Variants in IL31RA observed in about 807,000 individuals in gnomAD.
The protein encoded by IL31RA is interleukin 31 receptor A.
IL31RA carries 66 observed loss-of-function variants against 83.7 expected under a neutral mutation model. The observed-to-expected ratio is 0.79, with a 90% confidence interval of 0.65 to 0.97. The LOEUF is 0.97. IL31RA is among the 50% of genes least tolerant of loss of function. The pLI is 0.00. For missense variants in IL31RA, 798 were observed against 919.4 expected (o/e 0.87, Z 1.71); for synonymous variants, 325 against 329.0 (o/e 0.99, Z 0.13).
rs115991145 is a variant in IL31RA, at chr5:55,872,820, T to C, written c.454+369T>C. ...CGAAAAGAGCATAAAATTATTATTTTTTAAAATGCCTCACCACTTCTGACT... is the reference window on the plus strand; with the variant it reads ...CGAAAAGAGCATAAAATTATTATTTCTTAAAATGCCTCACCACTTCTGACT... On this transcript the variant is annotated intron_variant, in intron 4 of 14. Coordinates refer to ENST00000652347, the MANE Select transcript of IL31RA (RefSeq NM_139017.7). Among the ~76,000 whole-genome samples, 1,022 of 144,570 alleles carry C rather than the reference T, an allele frequency of 7.1e-3. 18 individuals carry two copies. The highest frequency in any genetic ancestry group is 0.027 in the African/African-American group (1,001 of 37,376). 94.8% of individuals were successfully genotyped at this position (144,570 alleles called of 152,430 possible). A position where few individuals can be genotyped will look rare whatever the true frequency, so the allele number is the denominator to read the frequency against.
intron 5 of IL31RA, among the ~76,000 whole-genome samples, chr5:55,883,967 T>G (rs1171671881): frequency 1.3e-5 from 2 of 152,248 alleles, no homozygotes; most frequent in Admixed American, 6.5e-5. Flanking sequence ...TTCATTGCTG[T>G]GTAGTATCTC....
chr5:55,901,807 G>A (rs1478238486), intron 8 of IL31RA, among the ~76,000 whole-genome samples: 3 of 151,666 alleles, frequency 2.0e-5, no homozygotes, highest in African/African-American at 7.3e-5. Flanking sequence ...TAGCGACGGG[G>A]TTTCTCCATG....
rs1217106954 is a variant in IL31RA at position 55,920,962 on chromosome 5, A to G, written c.*3842A>G. Among the ~76,000 whole-genome samples the G allele has an allele frequency of 1.3e-5, 2 of 152,082 alleles. No individual in the cohort carries two copies. The highest frequency in any genetic ancestry group is 4.8e-5 in the African/African-American group (2 of 41,390). On this transcript the variant is annotated 3_prime_UTR_variant, in exon 15 of 15. Transcript: ENST00000652347. ...TCACGACTGGGAAGGTGCTACTGGC[A>G]TCTAGTGGGTAGAGGCCGGCAATGC...
At chr5:55,861,301 C>T (rs1484193605) in intron 2 of IL31RA, among the ~76,000 whole-genome samples, 3 of 152,118 alleles carry the variant, frequency 2.0e-5, no homozygotes, top group Non-Finnish European at 4.4e-5. Flanking sequence ...GGTCCCCAAC[C>T]CCCAGGCTGC....
At chr5:55,888,453 A>C (rs1296372881) in intron 5 of IL31RA, among the ~76,000 whole-genome samples, 1 of 152,170 alleles carries the variant, frequency 6.6e-6, no homozygotes, top group African/African-American at 2.4e-5. Flanking sequence ...CGTGATGAGA[A>C]CCACTACACA....
At chr5:55,867,178 TGCA>T (rs1561543131) in intron 2 of IL31RA, among the ~76,000 whole-genome samples, 18 of 77,912 alleles carry the variant, frequency 2.3e-4, no homozygotes, top group African/African-American at 6.2e-4. Context: ...CATGTGTGTG[TGCA>T]TGTGTGTTTG....
the IL31RA span, chr5:55,840,169 G>A: frequency 2.3e-5 from 6 of 263,236 alleles, no homozygotes; most frequent in South Asian, 5.1e-5. Context: ...TCTGTGTGGT[G>A]GAAATACTAC....
At chr5:55,897,887 G>C (rs1355972254) in intron 7 of IL31RA, among the ~76,000 whole-genome samples, 1 of 152,224 alleles carries the variant, frequency 6.6e-6, no homozygotes, top group Non-Finnish European at 1.5e-5. Flanking sequence ...ATTTGCTGAA[G>C]TCCAGGCAAG....
At position 55,908,340 on chromosome 5, in the gene IL31RA, C is replaced by T; in HGVS notation, c.1430C>T (p.Pro477Leu). Residue 477 changes from proline to leucine, a missense_variant, in exon 11 of 15, where the codon CCC becomes CTC. By Grantham distance (98) the Pro-to-Leu change is moderately conservative. Coordinates refer to ENST00000652347, the MANE Select transcript of IL31RA (RefSeq NM_139017.7). ...GTCACGATCACATGGAAAGAGATTC[C>T]CAAGAGTGAGAGAAAGGGTATCATC... ...KTVTITWKEI[P>L]KSERKGIICN... The T allele has an allele frequency of 6.2e-7, 1 of 1,614,136 alleles. No individual in the cohort carries two copies. Among genetic ancestry groups the T allele is most frequent in the African/African-American group, 1.3e-5 (1 of 75,018 alleles).
chr5:55,845,881 C>T, the IL31RA span, among the ~76,000 whole-genome samples: 1 of 152,166 alleles, frequency 6.6e-6, no homozygotes, highest in African/African-American at 2.4e-5. Flanking sequence ...CCCTCTGTCC[C>T]TCTGCTACCT....
At chr5:55,914,336 G>T (rs1749665719) in intron 13 of IL31RA, among the ~76,000 whole-genome samples, 1 of 152,214 alleles carries the variant, frequency 6.6e-6, no homozygotes, top group African/African-American at 2.4e-5. Flanking sequence ...ATCTTAGCAT[G>T]CATCAGAATC....
intron 2 of IL31RA, among the ~76,000 whole-genome samples, chr5:55,863,334 T>A (rs150953764): frequency 6.6e-6 from 1 of 151,988 alleles, no homozygotes; most frequent in Non-Finnish European, 1.5e-5. Flanking sequence ...TCAGGGAGAG[T>A]TGTTTATGCT....
intron 4 of IL31RA, among the ~76,000 whole-genome samples, chr5:55,879,123 A>T (rs1747031916): frequency 6.6e-6 from 1 of 151,940 alleles, no homozygotes; most frequent in Non-Finnish European, 1.5e-5. Flanking sequence ...CCTGCCTGAG[A>T]TTAAAGTTAG....
chr5:55,848,638 A>T (rs1026605640), upstream of IL31RA, among the ~76,000 whole-genome samples: 1 of 152,158 alleles, frequency 6.6e-6, no homozygotes, highest in African/African-American at 2.4e-5. Context: ...CCTTGATGTT[A>T]TATCTCTGGA....
chr5:55,915,015 CTT>C, intron 14 of IL31RA, 87 bp downstream of exon 14: 1 of 1,037,448 alleles, frequency 9.6e-7, no homozygotes, highest in East Asian at 2.4e-5. Context: ...CTAGGCTGAG[CTT>C]TTTTCAAGGT....
chr5:55,883,283 TC>T (rs1270853777), intron 5 of IL31RA, 88 bp downstream of exon 5: 2 of 1,195,988 alleles, frequency 1.7e-6, no homozygotes, highest in African/African-American at 3.1e-5. Context: ...AATCATTATT[TC>T]ACTTTTTACA....
chr5:55,840,012 G>T, the IL31RA span: 1 of 506,496 alleles, frequency 2.0e-6, no homozygotes, highest in African/African-American at 1.9e-5. Context: ...GCCACCTTTG[G>T]TGCCCAACAT....
At chr5:55,889,274 A>G (rs963674760) in intron 5 of IL31RA, among the ~76,000 whole-genome samples, 1 of 152,190 alleles carries the variant, frequency 6.6e-6, no homozygotes, top group Non-Finnish European at 1.5e-5. Flanking sequence ...CAACACCTTC[A>G]CTTTACCAAT....
chr5:55,883,659 C>A (rs1257080019), intron 5 of IL31RA, among the ~76,000 whole-genome samples: 1 of 152,166 alleles, frequency 6.6e-6, no homozygotes, highest in Non-Finnish European at 1.5e-5. Context: ...CTCCAGGATG[C>A]CAGAGCCCCC....
Sources: allele counts gnomAD v4.1 joint callset (sites outside exome capture counted in the v4.1 genomes callset), GRCh38; gene constraint gnomAD v4.1.1; transcripts MANE v1.5; gene names NCBI Gene and HGNC (gene_info 2026-07-23, HGNC 2026-07-21).